The following GPR143 variants were observed in gnomAD, a reference collection of about 807,000 sequenced individuals.
GPR143 encodes the protein G-protein coupled receptor 143.
A neutral mutation model predicts 27.6 loss-of-function variants in GPR143; 8 were observed. The observed-to-expected ratio is 0.29, with a 90% CI of 0.17 to 0.52. The LOEUF (loss-of-function observed/expected upper bound fraction) is 0.52, where lower values mean the gene tolerates loss of function less well. Ranked by LOEUF, GPR143 falls within the 20% of genes least tolerant of loss-of-function variation. The pLI is 0.96. For missense variants in GPR143, 303 were observed against 343.1 expected (o/e 0.88, Z 0.92); for synonymous variants, 156 against 153.2 (o/e 1.02, Z -0.13).
At chrX:9,754,272 C>T (rs1034129983) in intron 3 of GPR143, among the ~76,000 whole-genome samples, 1 of 111,953 alleles carries the variant, frequency 8.9e-6, no homozygotes, top group Non-Finnish European at 1.9e-5. Flanking sequence ...CAAAGAGCTT[C>T]GGGAGGAAAA....
intron 4 of GPR143, among the ~76,000 whole-genome samples, chrX:9,746,709 G>T (rs1376357959): frequency 9.0e-6 from 1 of 110,679 alleles, no homozygotes; most frequent in Non-Finnish European, 1.9e-5. Flanking sequence ...TTCTACTGAG[G>T]GGTCATAGGA....
At chrX:9,778,350 C>G (rs1210354175) in intron 1 of GPR143, among the ~76,000 whole-genome samples, 1 of 111,534 alleles carries the variant, frequency 9.0e-6, no homozygotes, top group African/African-American at 3.3e-5. Context: ...ACAGCTATGG[C>G]CAAGAACACT....
At position 9,765,632 on chromosome X, in the gene GPR143, C is replaced by T; in HGVS notation, c.186G>A (p.Thr62=). ...RRPAGPGSPA[T]SPPASVRILR... ...GGATGCGGACCGAGGCCGGCGGGGA[C>T]GTCGCGGGGGACCCGGGGCCCGCGG... Residue 62 remains threonine, a synonymous_variant, in exon 1 of 9, where the codon ACG becomes ACA. Transcript: ENST00000467482. The T allele has an allele frequency of 1.0e-6, 1 of 985,943 alleles. No homozygotes were observed. The highest frequency in any genetic ancestry group is 1.3e-6 in the Non-Finnish European group (1 of 787,131). The allele number at this position is 985,943 out of a possible 1,213,427, so 81.3% of individuals were successfully genotyped here. A position where few individuals can be genotyped will look rare whatever the true frequency, so the allele number is the denominator to read the frequency against.
chrX:9,771,195 A>G (rs1473901612), intron 1 of GPR143, among the ~76,000 whole-genome samples: 4 of 111,141 alleles, frequency 3.6e-5, no homozygotes, highest in Admixed American at 9.6e-5. Context: ...AGTAGCTGGG[A>G]CCACAGGCAT....
intron 1 of GPR143, among the ~76,000 whole-genome samples, chrX:9,775,501 A>G (rs1445312598): frequency 9.0e-6 from 1 of 111,249 alleles, no homozygotes; most frequent in African/African-American, 3.3e-5. Context: ...TCTCACCTCC[A>G]CCCCTGTGGC....
Position 9,760,409 on chromosome X carries a change from ATATT to A in GPR143, c.360+304_360+307del, listed in dbSNP as rs772766588. Among the ~76,000 whole-genome samples, 139 of 111,895 alleles carry A rather than the reference ATATT, an allele frequency of 1.2e-3. 1 individual carries two copies. Among genetic ancestry groups the A allele is most frequent in the Middle Eastern group, 4.7e-3 (1 of 215 alleles). On this transcript the variant is annotated intron_variant, in intron 2 of 8. Transcript: ENST00000467482. ...GCCCGGCTTGTATGTTTTATTTAAT[ATATT>A]TATGTATATATTTATACAAAATGCA...
intron 8 of GPR143, among the ~76,000 whole-genome samples, chrX:9,735,278 C>T (rs1480681041): frequency 8.9e-6 from 1 of 111,981 alleles, no homozygotes; most frequent in Admixed American, 9.4e-5. Context: ...AAAGCCCAAA[C>T]GCCCTAGCAG....
rs1472550771 is a variant in GPR143, at chrX:9,765,624, G to A, written c.194C>T (p.Pro65Leu). 12 of 992,372 alleles carry A rather than the reference G, an allele frequency of 1.2e-5. No homozygotes were observed. Among genetic ancestry groups the A allele is most frequent in the South Asian group, 1.1e-4 (3 of 26,886 alleles). 81.8% of individuals were successfully genotyped at this position (992,372 alleles called of 1,213,427 possible). A position where few individuals can be genotyped will look rare whatever the true frequency, so the allele number is the denominator to read the frequency against. Residue 65 changes from proline to leucine, a missense_variant, in exon 1 of 9, where the codon CCG (proline) becomes CTG (leucine). Physicochemically the swap from Pro to Leu is moderately conservative, Grantham distance 98 (BLOSUM62 -3). Coordinates refer to ENST00000467482, the MANE Select transcript of GPR143 (RefSeq NM_000273.3). The stretch of plus-strand genomic sequence containing the variant: ...AGCGCGCAGGATGCGGACCGAGGCC[G>A]GCGGGGACGTCGCGGGGGACCCGGG... ...AGPGSPATSP[P>L]ASVRILRAAA...
At chrX:9,736,454 A>G (rs2083379801) in intron 8 of GPR143, among the ~76,000 whole-genome samples, 1 of 110,842 alleles carries the variant, frequency 9.0e-6, no homozygotes, top group Admixed American at 9.6e-5. Flanking sequence ...TAGCACCGCC[A>G]CTTTATACTT....
chrX:9,753,410 G>GAA (rs5901416), intron 3 of GPR143, among the ~76,000 whole-genome samples: 18 of 72,918 alleles, frequency 2.5e-4, no homozygotes, highest in South Asian at 6.8e-4. Flanking sequence ...AACAGAATCT[G>GAA]AAAAAAAAAA....
intron 1 of GPR143, among the ~76,000 whole-genome samples, chrX:9,776,197 C>T (rs1045865691): frequency 8.9e-6 from 1 of 112,024 alleles, no homozygotes; most frequent in African/African-American, 3.2e-5. Context: ...CTCACTAGAA[C>T]GCACGTCAGG....
intron 1 of GPR143, among the ~76,000 whole-genome samples, chrX:9,778,428 G>A (rs759354970): frequency 1.5e-5 from 1 of 67,057 alleles, no homozygotes; most frequent in African/African-American, 4.3e-5. Flanking sequence ...TGATCCCCTC[G>A]CTCATGCTCA....
At chrX:9,744,878 A>T (rs191664600) in intron 5 of GPR143, among the ~76,000 whole-genome samples, 1 of 112,098 alleles carries the variant, frequency 8.9e-6, no homozygotes, top group African/African-American at 3.2e-5. Context: ...TCTTTTTTCT[A>T]TAAGTCATTT....
rs2083485379 is a variant in GPR143, at chrX:9,759,237, G to A, written c.455+95C>T. ...TGACAGATTCTGAATGACGGTGTCT[G>A]CAACACTGCAAAATACTTTTAAACG... On this transcript the variant is annotated intron_variant, in intron 3 of 8. Transcript: ENST00000467482. The A allele has an allele frequency of 5.3e-6, 3 of 571,032 alleles. No individual in the cohort carries two copies. In the Admixed American group the frequency reaches 8.0e-5, roughly 15 times the overall value. 47.1% of individuals were successfully genotyped at this position (571,032 alleles called of 1,213,427 possible).
intron 3 of GPR143, among the ~76,000 whole-genome samples, chrX:9,755,239 G>A (rs941807934): frequency 2.7e-5 from 3 of 111,026 alleles, no homozygotes; most frequent in African/African-American, 6.5e-5. Context: ...CCAACATGGC[G>A]AAACCCCATC....
intron 8 of GPR143, among the ~76,000 whole-genome samples, chrX:9,727,420 A>C (rs1306615540): frequency 8.9e-6 from 1 of 112,902 alleles, no homozygotes; most frequent in African/African-American, 3.2e-5. Context: ...ATGGGACAAG[A>C]ACTTGAGAAC....
chrX:9,744,725 C>T (rs991069668), intron 5 of GPR143, among the ~76,000 whole-genome samples: 9 of 111,544 alleles, frequency 8.1e-5, no homozygotes, highest in South Asian at 3.7e-4. Flanking sequence ...AAATAGTGCA[C>T]GCTTGTTAAA....
chrX:9,749,159 C>A (rs1817707324), intron 3 of GPR143, among the ~76,000 whole-genome samples: 1 of 111,333 alleles, frequency 9.0e-6, no homozygotes, highest in Non-Finnish European at 1.9e-5. Flanking sequence ...GGCGGTTTCC[C>A]CCATGCTGTT....
intron 1 of GPR143, among the ~76,000 whole-genome samples, chrX:9,763,223 G>A (rs1002424162): frequency 3.6e-5 from 4 of 110,964 alleles, no homozygotes; most frequent in African/African-American, 6.6e-5. Flanking sequence ...ACAGGCGTGA[G>A]CCACCGCACC....
Sources: allele counts gnomAD v4.1 joint callset (sites outside exome capture counted in the v4.1 genomes callset), GRCh38; gene constraint gnomAD v4.1.1; transcripts MANE v1.5; gene names NCBI Gene and HGNC (gene_info 2026-07-23, HGNC 2026-07-21).